The following STPG2 variants were observed in gnomAD, a reference collection of about 807,000 sequenced individuals.
STPG2 encodes sperm tail PG-rich repeat containing 2, also known as sperm-tail PG-rich repeat-containing protein 2.
Under a neutral mutation model 54.2 loss-of-function variants are expected in STPG2, and 56 were observed. The ratio of observed to expected loss-of-function variants is 1.03; its 90% CI spans 0.83 to 1.29. STPG2 has a LOEUF of 1.29. STPG2 is among the 50% of genes most tolerant of loss of function. STPG2 has a pLI of 0.00. For synonymous variants in STPG2, 200 were observed against 181.8 expected, an observed-to-expected ratio of 1.10 and a Z score of -0.81; for missense variants, 596 against 544.9, an observed-to-expected ratio of 1.09 and a Z score of -0.93.
chr4:97,760,436 A>G (rs1437288943), intron 9 of STPG2, among the ~76,000 whole-genome samples: 1 of 152,204 alleles, frequency 6.6e-6, no homozygotes, highest in Admixed American at 6.5e-5. Context: ...ATGAAAAGGT[A>G]AATTTCAGTT....
intron 9 of STPG2, among the ~76,000 whole-genome samples, chr4:97,835,629 T>C (rs899081230): frequency 6.6e-6 from 1 of 152,110 alleles, no homozygotes; most frequent in African/African-American, 2.4e-5. Flanking sequence ...ATTTCAACTT[T>C]CAAGTCTTAG....
At chr4:97,459,177 TGA>T (rs527738137) in intron 4 of STPG2, among the ~76,000 whole-genome samples, 1 of 151,998 alleles carries the variant, frequency 6.6e-6, no homozygotes, top group Non-Finnish European at 1.5e-5. Context: ...TATCACTGTG[TGA>T]GAGAGAGACG....
intron 4 of STPG2, among the ~76,000 whole-genome samples, chr4:97,553,689 C>A (rs1033823772): frequency 9.9e-5 from 15 of 152,200 alleles, no homozygotes; most frequent in African/African-American, 3.6e-4. Flanking sequence ...ATCCTTCTAC[C>A]TCTCTTGACA....
chr4:97,677,538 TG>T (rs1226569564), intron 10 of STPG2, among the ~76,000 whole-genome samples: 1 of 152,202 alleles, frequency 6.6e-6, no homozygotes, highest in Non-Finnish European at 1.5e-5. Context: ...TACAGCTGGA[TG>T]GTGGCTATGG....
At chr4:98,137,753 C>T (rs1245267438) in intron 1 of STPG2, among the ~76,000 whole-genome samples, 1 of 151,516 alleles carries the variant, frequency 6.6e-6, no homozygotes, top group African/African-American at 2.4e-5. Context: ...AATACACTAG[C>T]CATGTACTCA....
chr4:97,564,424 T>C (rs963798844), intron 10 of STPG2, among the ~76,000 whole-genome samples: 18 of 152,072 alleles, frequency 1.2e-4, no homozygotes, highest in African/African-American at 4.4e-4. Flanking sequence ...GAGCATTTAG[T>C]CCATTTACAT....
At chr4:97,527,843 G>A (rs1731317710) in intron 4 of STPG2, among the ~76,000 whole-genome samples, 1 of 151,996 alleles carries the variant, frequency 6.6e-6, no homozygotes, top group African/African-American at 2.4e-5. Flanking sequence ...TTTTGATGGG[G>A]TTGTTTGTTT....
At chr4:97,984,816 C>T (rs1734782307) in intron 5 of STPG2, among the ~76,000 whole-genome samples, 1 of 45,234 alleles carries the variant, frequency 2.2e-5, no homozygotes, top group Non-Finnish European at 5.2e-5. Flanking sequence ...GCAACAGTGG[C>T]TAATTTCACA....
At position 97,691,417 on chromosome 4, in the gene STPG2, C is replaced by T. The variant is rs184512463; in HGVS notation, c.1320+21282G>A. 8.5e-5 allele frequency among the ~76,000 whole-genome samples: 13 copies of T among 152,186 alleles called. No individual in the cohort carries two copies. The East Asian group carries it at 2.5e-3, about 30-fold the overall frequency. ...TGTGGCTGTTGGCTTTCCCCCACTT[C>T]CTTGGTGACCTGTATGATGTAGCAG... On this transcript the variant is annotated intron_variant, in intron 10 of 10. Coordinates refer to ENST00000295268, the MANE Select transcript of STPG2 (RefSeq NM_174952.3).
At chr4:97,958,078 G>T (rs558262814) in intron 7 of STPG2, among the ~76,000 whole-genome samples, 1 of 152,112 alleles carries the variant, frequency 6.6e-6, no homozygotes, top group African/African-American at 2.4e-5. Flanking sequence ...GGAGGCAGAG[G>T]GGGGACAGAT....
At position 97,593,367 on chromosome 4, in the gene STPG2, C is replaced by T. The variant is rs561644707; in HGVS notation, c.1321-34250G>A. 1.9e-4 allele frequency among the ~76,000 whole-genome samples: 29 copies of T among 152,282 alleles called. 1 individual carries two copies. In the South Asian group the frequency reaches 2.9e-3, roughly 15 times the overall value. On this transcript the variant is annotated intron_variant, in intron 10 of 10. Transcript: ENST00000295268. The stretch of plus-strand genomic sequence containing the variant: ...TCACCTCCCCTCCGACAATGGTGTG[C>T]GTGTGTGCACATCCTGCATGACACT...
chr4:97,799,181 A>T (rs1727296481), intron 9 of STPG2, among the ~76,000 whole-genome samples: 1 of 149,100 alleles, frequency 6.7e-6, no homozygotes, highest in Non-Finnish European at 1.5e-5. Flanking sequence ...TAGCCCATTT[A>T]CATTTAAGGT....
chr4:98,027,011 G>C (rs1736445075), intron 5 of STPG2, among the ~76,000 whole-genome samples: 1 of 152,144 alleles, frequency 6.6e-6, no homozygotes, highest in Admixed American at 6.6e-5. Context: ...CATTCACCAG[G>C]TTGTGCCCTC....
chr4:97,904,658 C>A (rs147918778), intron 8 of STPG2, among the ~76,000 whole-genome samples: 1 of 152,100 alleles, frequency 6.6e-6, no homozygotes, highest in South Asian at 2.1e-4. Flanking sequence ...CAAATTACTC[C>A]GAGCTATGGG....
chr4:97,785,950 G>A (rs1263434525), intron 9 of STPG2, among the ~76,000 whole-genome samples: 1 of 152,078 alleles, frequency 6.6e-6, no homozygotes, highest in Admixed American at 6.6e-5. Flanking sequence ...GTCGGTGAGA[G>A]TTGCTACCAT....
intron 8 of STPG2, among the ~76,000 whole-genome samples, chr4:97,854,289 A>G (rs1729259486): frequency 6.6e-6 from 1 of 152,084 alleles, no homozygotes; most frequent in African/African-American, 2.4e-5. Flanking sequence ...ATAACCATAT[A>G]ACCATGGTCA....
intron 5 of STPG2, among the ~76,000 whole-genome samples, chr4:98,065,103 T>C (rs1174668543): frequency 6.6e-6 from 1 of 152,118 alleles, no homozygotes; most frequent in Admixed American, 6.6e-5. Context: ...GATATTCATC[T>C]TAAACAAGAA....
At chr4:98,027,661 T>A (rs541286228) in intron 5 of STPG2, among the ~76,000 whole-genome samples, 3 of 152,246 alleles carry the variant, frequency 2.0e-5, no homozygotes, top group African/African-American at 7.2e-5. Context: ...AAATCAGCCA[T>A]CTCAAGCAAT....
At chr4:98,031,563 T>C (rs1578798024) in intron 5 of STPG2, among the ~76,000 whole-genome samples, 2 of 152,096 alleles carry the variant, frequency 1.3e-5, no homozygotes, top group South Asian at 2.1e-4. Flanking sequence ...TCCCAGCCTA[T>C]AGTCCCAGCT....
Sources: allele counts gnomAD v4.1 joint callset (sites outside exome capture counted in the v4.1 genomes callset), GRCh38; gene constraint gnomAD v4.1.1; transcripts MANE v1.5; gene names NCBI Gene and HGNC (gene_info 2026-07-23, HGNC 2026-07-21).